TESC: variants seen among roughly 807,000 people sequenced by gnomAD.
TESC encodes calcineurin B homologous protein 3.
In TESC, 19 loss-of-function variants were observed where a neutral mutation model predicts 31.0. The observed-to-expected ratio is 0.61, with a 90% confidence interval of 0.43 to 0.90. TESC has a LOEUF of 0.90. Among genes scored for constraint, TESC ranks in the 40% least tolerant of loss-of-function variants. TESC has a pLI of 0.00. For missense variants in TESC, 248 were observed against 303.8 expected (o/e 0.82, Z 1.36); for synonymous variants, 109 against 114.8 (o/e 0.95, Z 0.32).
intron 6 of TESC, among the ~76,000 whole-genome samples, chr12:117,043,926 A>T (rs1954520785): frequency 6.6e-6 from 1 of 151,948 alleles, no homozygotes; most frequent in South Asian, 2.1e-4. Context: ...AGGACTTTGC[A>T]GGCTCTTTAG....
chr12:117,067,942 T>C (rs991912811), intron 2 of TESC, among the ~76,000 whole-genome samples: 1 of 152,138 alleles, frequency 6.6e-6, no homozygotes, highest in African/African-American at 2.4e-5. Context: ...TCACCTAGGC[T>C]GGAGTGCAGT....
In TESC at chr12:117,041,862, G is replaced by A. The variant is rs550844255; in HGVS notation, c.567+85C>T. On this transcript the variant is annotated intron_variant, in intron 7 of 7. Coordinates refer to ENST00000335209, the MANE Select transcript of TESC (RefSeq NM_017899.4). ...AGGAAGCCTGTCCCTTGCTACTGCA[G>A]GTAAAGAGCCATGTCCCCTCCTGAC... The A allele has an allele frequency of 9.7e-5, 135 of 1,388,408 alleles. No individual in the cohort carries two copies. The African/African-American group carries it at 1.9e-3, about 19-fold the overall frequency. 86.0% of individuals were successfully genotyped at this position (1,388,408 alleles called of 1,614,324 possible).
At chr12:117,082,501 T>TAA (rs780175960) in intron 1 of TESC, among the ~76,000 whole-genome samples, 7 of 124,914 alleles carry the variant, frequency 5.6e-5, no homozygotes, top group East Asian at 2.3e-4. Flanking sequence ...AGACTTTGTC[T>TAA]AAAAAAAAAA....
chr12:117,044,195 T>C (rs1954524159), intron 6 of TESC, among the ~76,000 whole-genome samples: 1 of 152,136 alleles, frequency 6.6e-6, no homozygotes, highest in Non-Finnish European at 1.5e-5. Flanking sequence ...GCGCAGGAGA[T>C]GGAAGCCGTA....
intron 2 of TESC, among the ~76,000 whole-genome samples, chr12:117,057,757 T>C (rs1954745530): frequency 6.6e-6 from 1 of 152,138 alleles, no homozygotes; most frequent in South Asian, 2.1e-4. Context: ...GCCCATGCAA[T>C]GGAGTTTTTT....
At chr12:117,060,770 C>G (rs868372201) in intron 2 of TESC, among the ~76,000 whole-genome samples, 1 of 152,192 alleles carries the variant, frequency 6.6e-6, no homozygotes, top group Admixed American at 6.5e-5. Context: ...ACCAGATACC[C>G]TGCTGCCCGA....
intron 6 of TESC, among the ~76,000 whole-genome samples, chr12:117,044,749 T>C (rs1954532198): frequency 6.6e-6 from 1 of 151,970 alleles, no homozygotes; most frequent in African/African-American, 2.4e-5. Context: ...ATACAAAAAT[T>C]AGCCGGGCGT....
chr12:117,067,117 GGTTTTCCT>G (rs1954897357), intron 2 of TESC, among the ~76,000 whole-genome samples: 1 of 152,108 alleles, frequency 6.6e-6, no homozygotes, highest in Non-Finnish European at 1.5e-5. Context: ...TACCGTAGCA[GGTTTTCCT>G]CTTTAAGTGA....
intron 2 of TESC, among the ~76,000 whole-genome samples, chr12:117,071,266 C>T (rs1954968574): frequency 6.6e-6 from 1 of 152,246 alleles, no homozygotes. Context: ...TTTGAGCACT[C>T]TCACAGCACC....
chr12:117,049,312 G>A (rs1320052339), intron 3 of TESC, among the ~76,000 whole-genome samples, 154 bp from the exon 4 acceptor site: 9 of 152,216 alleles, frequency 5.9e-5, no homozygotes, highest in South Asian at 2.1e-4. Context: ...AACCTGCTTC[G>A]TGGCGGGGCT....
At chr12:117,085,490 G>A (rs190540109) in intron 1 of TESC, among the ~76,000 whole-genome samples, 35 of 152,254 alleles carry the variant, frequency 2.3e-4, no homozygotes, top group Admixed American at 1.2e-3. Flanking sequence ...GCCTTCTCCC[G>A]TGCCCCAGGG....
chr12:117,039,069 C>A lies in TESC; in HGVS notation c.*64G>T, dbSNP rs1954442393. On this transcript the variant is annotated 3_prime_UTR_variant, in exon 8 of 8. Transcript: ENST00000335209. Reference sequence around the variant, plus strand: ...GAGGCTGTCCGCCGGGCCTGGGCTGCTCCAGCTACGCGGGGAGGCGGCCCC... The same window carrying A: ...GAGGCTGTCCGCCGGGCCTGGGCTGATCCAGCTACGCGGGGAGGCGGCCCC... 2 of 1,577,276 alleles carry A rather than the reference C, an allele frequency of 1.3e-6. No homozygotes were observed. The highest frequency in any genetic ancestry group is 2.7e-5 in the African/African-American group (2 of 74,162).
intron 7 of TESC, among the ~76,000 whole-genome samples, chr12:117,039,636 C>T (rs1284151784): frequency 1.3e-5 from 2 of 152,202 alleles, no homozygotes; most frequent in Non-Finnish European, 2.9e-5. Flanking sequence ...ATCATGGACG[C>T]GTTTTGTAAA....
chr12:117,093,914 C>T (rs906298418), intron 1 of TESC, among the ~76,000 whole-genome samples: 3 of 151,930 alleles, frequency 2.0e-5, no homozygotes, highest in African/African-American at 7.3e-5. Flanking sequence ...CTTATTATTT[C>T]CTTTCCAACT....
chr12:117,042,540 C>T (rs1470731176), intron 6 of TESC, among the ~76,000 whole-genome samples: 1 of 151,720 alleles, frequency 6.6e-6, no homozygotes, highest in African/African-American at 2.4e-5. Flanking sequence ...CCTCATGCCT[C>T]GTGAGTCACC....
intron 1 of TESC, among the ~76,000 whole-genome samples, chr12:117,075,875 GTATATATATATA>G (rs528031954): frequency 0.063 from 3,933 of 62,496 alleles, 243 homozygotes; most frequent in Non-Finnish European, 0.067. Flanking sequence ...ATATATGTGT[GTATATATATATA>G]TATATATATA....
chr12:117,091,452 T>A, intron 1 of TESC, among the ~76,000 whole-genome samples: 1 of 152,248 alleles, frequency 6.6e-6, no homozygotes, highest in East Asian at 1.9e-4. Context: ...CCACGATACA[T>A]TCTGGAGACC....
At chr12:117,080,866 G>C (rs1020823890) in intron 1 of TESC, among the ~76,000 whole-genome samples, 1 of 152,168 alleles carries the variant, frequency 6.6e-6, no homozygotes, top group African/African-American at 2.4e-5. Context: ...GCCCACGGAA[G>C]GACCTGCCTT....
Position 117,077,517 on chromosome 12 carries a change from C to T in TESC, c.59-2177G>A, listed in dbSNP as rs1955089837. ...TGGAATCGTCCTAAACTGGAAACTA[C>T]CCACATGCCCAACAATGGCAGAGTA... On this transcript the variant is annotated intron_variant, in intron 1 of 7. Coordinates refer to ENST00000335209, the MANE Select transcript of TESC (RefSeq NM_017899.4). 3.3e-5 allele frequency among the ~76,000 whole-genome samples: 5 copies of T among 152,202 alleles called. No homozygotes were observed. In the South Asian group the frequency reaches 8.3e-4, roughly 25 times the overall value.
Sources: gnomAD v4.1 joint callset for allele counts (sites outside exome capture counted in the v4.1 genomes callset) on GRCh38, gnomAD v4.1.1 for gene constraint, MANE v1.5 for transcripts, NCBI Gene and HGNC (gene_info 2026-07-23, HGNC 2026-07-21) for gene names.